MARCHF1: variants seen among roughly 807,000 people sequenced by gnomAD.
MARCHF1 encodes the protein membrane associated ring-CH-type finger 1, also known as E3 ubiquitin-protein ligase MARCHF1.
MARCHF1 carries 40 observed loss-of-function variants against 54.2 expected under a neutral mutation model. The ratio of observed to expected loss-of-function variants is 0.74; its 90% CI spans 0.57 to 0.96. The LOEUF (loss-of-function observed/expected upper bound fraction) is 0.96, where lower values mean the gene tolerates loss of function less well. MARCHF1 is among the 40% of genes least tolerant of loss of function. The pLI, the probability that MARCHF1 is intolerant of heterozygous loss-of-function variation, is 0.00. For missense variants in MARCHF1, 586 were observed against 656.5 expected (o/e 0.89, Z 1.17); for synonymous variants, 236 against 236.3 (o/e 1.00, Z 0.01).
At chr4:164,118,030 T>C (rs1755976528) in intron 1 of MARCHF1, among the ~76,000 whole-genome samples, 1 of 151,920 alleles carries the variant, frequency 6.6e-6, no homozygotes, top group African/African-American at 2.4e-5. Context: ...GTGCTCATAA[T>C]TGTAAGTATA....
At chr4:163,939,545 A>G (rs1422281622) in intron 3 of MARCHF1, among the ~76,000 whole-genome samples, 1 of 152,186 alleles carries the variant, frequency 6.6e-6, no homozygotes, top group Non-Finnish European at 1.5e-5. Context: ...GCTCATCCAC[A>G]TAGCTCTCCA....
intron 5 of MARCHF1, among the ~76,000 whole-genome samples, chr4:163,641,653 T>C (rs946175864): frequency 6.6e-6 from 1 of 152,216 alleles, no homozygotes; most frequent in African/African-American, 2.4e-5. Context: ...GGAGTAGAAC[T>C]TTTGTTAAGG....
intron 4 of MARCHF1, among the ~76,000 whole-genome samples, chr4:163,755,841 A>G (rs949470800): frequency 1.3e-5 from 2 of 152,210 alleles, no homozygotes; most frequent in Non-Finnish European, 2.9e-5. Flanking sequence ...ATAGACAACT[A>G]TGTAAAGGTG....
intron 3 of MARCHF1, among the ~76,000 whole-genome samples, chr4:163,859,052 A>T (rs1414305207): frequency 6.6e-6 from 1 of 152,182 alleles, no homozygotes; most frequent in Non-Finnish European, 1.5e-5. Flanking sequence ...GAATCCAATA[A>T]GTAATTGTTG....
chr4:164,217,088 A>G (rs1731955684), intron 1 of MARCHF1, among the ~76,000 whole-genome samples: 1 of 152,220 alleles, frequency 6.6e-6, no homozygotes, highest in South Asian at 2.1e-4. Context: ...CTTATTTACT[A>G]GAGATGATAA....
At chr4:164,296,613 G>GC (rs753711890) in intron 1 of MARCHF1, among the ~76,000 whole-genome samples, 4 of 152,016 alleles carry the variant, frequency 2.6e-5, no homozygotes, top group African/African-American at 4.8e-5. Context: ...CAAGTGATCT[G>GC]CCCCCCTTGG....
At chr4:164,352,184 T>C (rs1361914044) in intron 1 of MARCHF1, among the ~76,000 whole-genome samples, 2 of 123,300 alleles carry the variant, frequency 1.6e-5, no homozygotes, top group Non-Finnish European at 3.7e-5. Flanking sequence ...TGGAAAACAC[T>C]CTGCAGGATA....
chr4:163,829,683 T>C (rs1200636577), intron 4 of MARCHF1, among the ~76,000 whole-genome samples: 1 of 152,196 alleles, frequency 6.6e-6, no homozygotes, highest in African/African-American at 2.4e-5. Flanking sequence ...TTTAAAAAAA[T>C]AAATAACACT....
At chr4:163,707,582 A>AGAAT (rs1385887179) in intron 4 of MARCHF1, among the ~76,000 whole-genome samples, 2 of 152,046 alleles carry the variant, frequency 1.3e-5, no homozygotes, top group Admixed American at 1.3e-4. Flanking sequence ...GGCAATAGGA[A>AGAAT]GAATGAATAC....
At chr4:163,857,109 A>G (rs986190302) in intron 3 of MARCHF1, among the ~76,000 whole-genome samples, 2 of 148,826 alleles carry the variant, frequency 1.3e-5, no homozygotes, top group African/African-American at 4.9e-5. Flanking sequence ...GAGAGAGAGA[A>G]AAAAAAAAAA....
At chr4:163,873,687 T>TA (rs1463936774) in intron 3 of MARCHF1, among the ~76,000 whole-genome samples, 2 of 151,970 alleles carry the variant, frequency 1.3e-5, no homozygotes, top group Non-Finnish European at 1.5e-5. Context: ...AGACAGAAAA[T>TA]AAAAAAACAG....
At chr4:163,927,092 T>C (rs893818513) in intron 3 of MARCHF1, among the ~76,000 whole-genome samples, 4 of 151,768 alleles carry the variant, frequency 2.6e-5, no homozygotes, top group African/African-American at 9.7e-5. Context: ...AATCTCACAA[T>C]TTTGTTGTAT....
At chr4:163,986,413 C>T (rs907561928) in intron 3 of MARCHF1, among the ~76,000 whole-genome samples, 1 of 151,502 alleles carries the variant, frequency 6.6e-6, no homozygotes, top group African/African-American at 2.4e-5. Context: ...CACAGGTGCC[C>T]ACCACCACAC....
intron 1 of MARCHF1, among the ~76,000 whole-genome samples, chr4:164,257,946 T>A (rs1469937408): frequency 6.6e-6 from 1 of 152,150 alleles, no homozygotes; most frequent in African/African-American, 2.4e-5. Context: ...TAAAGACACA[T>A]GCACACGTAT....
chr4:164,059,444 C>T (rs893946100), intron 2 of MARCHF1, among the ~76,000 whole-genome samples: 2 of 152,086 alleles, frequency 1.3e-5, no homozygotes, highest in African/African-American at 4.8e-5. Flanking sequence ...AAATTAAGAG[C>T]TCTCATTAAA....
chr4:163,927,830 C>G (rs1751568475), intron 3 of MARCHF1, among the ~76,000 whole-genome samples: 1 of 151,734 alleles, frequency 6.6e-6, no homozygotes, highest in Non-Finnish European at 1.5e-5. Flanking sequence ...AATTAGCATA[C>G]CGTTTGAATA....
At chr4:164,092,511 A>G (rs1755326626) in intron 2 of MARCHF1, among the ~76,000 whole-genome samples, 1 of 152,170 alleles carries the variant, frequency 6.6e-6, no homozygotes, top group Non-Finnish European at 1.5e-5. Flanking sequence ...AAACAGGTTT[A>G]TAAGCTGTCT....
intron 1 of MARCHF1, among the ~76,000 whole-genome samples, chr4:164,281,554 A>G (rs1231852474): frequency 6.6e-6 from 1 of 152,190 alleles, no homozygotes; most frequent in Admixed American, 6.5e-5. Context: ...GACATTATCA[A>G]GTAGGAGAAA....
chr4:163,717,140 TC>T (rs1187063462), intron 4 of MARCHF1, among the ~76,000 whole-genome samples: 13 of 106,990 alleles, frequency 1.2e-4, no homozygotes, highest in African/African-American at 4.2e-4. Flanking sequence ...ATGCTATCCC[TC>T]CCCCCTCCCC....
Sources: gnomAD v4.1 joint callset for allele counts (sites outside exome capture counted in the v4.1 genomes callset) on GRCh38, gnomAD v4.1.1 for gene constraint, MANE v1.5 for transcripts, NCBI Gene and HGNC (gene_info 2026-07-23, HGNC 2026-07-21) for gene names.